The following DGKB variants were observed in gnomAD, a reference collection of about 807,000 sequenced individuals.
DGKB encodes the protein 90 kDa diacylglycerol kinase.
A neutral mutation model predicts 114.3 loss-of-function variants in DGKB; 67 were observed. That is an observed-to-expected ratio of 0.59 (90% CI 0.48 to 0.72). The LOEUF (loss-of-function observed/expected upper bound fraction) is 0.72. Ranked by LOEUF, DGKB falls within the 30% of genes least tolerant of loss-of-function variation. The pLI, the probability that DGKB is intolerant of heterozygous loss-of-function variation, is 0.00. For missense variants in DGKB, 907 were observed against 975.2 expected (o/e 0.93, Z 0.93); for synonymous variants, 398 against 323.1 (o/e 1.23, Z -2.49).
At chr7:14,509,967 A>T (rs1012894166) in intron 20 of DGKB, among the ~76,000 whole-genome samples, 31 of 152,250 alleles carry the variant, frequency 2.0e-4, no homozygotes, top group African/African-American at 7.0e-4. Flanking sequence ...TGAGGTCAGG[A>T]GATGGAGACC....
At chr7:14,889,396 C>A (rs1484389509) in intron 1 of DGKB, among the ~76,000 whole-genome samples, 1 of 151,592 alleles carries the variant, frequency 6.6e-6, no homozygotes, top group Admixed American at 6.6e-5. Flanking sequence ...TTTAGGGGAG[C>A]TTCTTGTGGC....
At chr7:14,591,930 G>A (rs1725674323) in intron 17 of DGKB, among the ~76,000 whole-genome samples, 1 of 151,892 alleles carries the variant, frequency 6.6e-6, no homozygotes, top group Non-Finnish European at 1.5e-5. Context: ...TTGTAGTACT[G>A]ATTCCAGAAT....
intron 13 of DGKB, among the ~76,000 whole-genome samples, chr7:14,646,655 A>G (rs187530882): frequency 1.8e-3 from 275 of 152,266 alleles, no homozygotes; most frequent in African/African-American, 6.2e-3. Flanking sequence ...TCAGAACACA[A>G]TAAAATAAAA....
intron 1 of DGKB, among the ~76,000 whole-genome samples, chr7:14,918,549 T>C (rs1784351401): frequency 6.6e-6 from 1 of 152,042 alleles, no homozygotes; most frequent in Non-Finnish European, 1.5e-5. Flanking sequence ...TAAGTATAAA[T>C]TTAACAAAAT....
chr7:14,901,773 C>A (rs1265380205), intron 1 of DGKB, among the ~76,000 whole-genome samples: 1 of 152,092 alleles, frequency 6.6e-6, no homozygotes, highest in African/African-American at 2.4e-5. Context: ...ATTTGCTTTA[C>A]AATGGACTGG....
At chr7:14,291,820 G>T (rs922795576) in intron 23 of DGKB, among the ~76,000 whole-genome samples, 1 of 152,150 alleles carries the variant, frequency 6.6e-6, no homozygotes, top group Non-Finnish European at 1.5e-5. Flanking sequence ...ATGCGGCAAA[G>T]ATCTTGTTGC....
In DGKB at chr7:14,736,130, T is replaced by C. The variant is rs199507253; in HGVS notation, c.233A>G (p.Asp78Gly). 249 of 1,609,700 alleles carry C rather than the reference T, an allele frequency of 1.5e-4. No individual in the cohort carries two copies. The highest frequency in any genetic ancestry group is 7.1e-5 in the Non-Finnish European group (83 of 1,176,922). Residue 78 changes from aspartate (D) to glycine (G), a missense_variant, in exon 5 of 26, where the codon GAT (aspartate) becomes GGT (glycine). This residue lies in a region of DGKB where 814 missense variants were observed against 856.6 expected (regional missense o/e 0.95). Coordinates refer to ENST00000402815, the MANE Select transcript of DGKB (RefSeq NM_001350709.2). ...TGACATGAAAAGGTGTGCAGTGAAA[T>C]CATCAGGAAGCTCGGCTTCCAGGAA... ...KTFLEAELPDDFTAHLFMSFS... is the reference protein window; with the variant it reads ...KTFLEAELPDGFTAHLFMSFS...
chr7:14,888,217 A>T (rs1780616929), intron 1 of DGKB, among the ~76,000 whole-genome samples: 1 of 151,792 alleles, frequency 6.6e-6, no homozygotes, highest in Non-Finnish European at 1.5e-5. Context: ...TACTGATAGC[A>T]GATGGTAATG....
upstream of DGKB, chr7:14,902,962 T>C (rs552793763): frequency 6.6e-6 from 1 of 152,334 alleles, no homozygotes; most frequent in African/African-American, 2.4e-5. Context: ...AAGTCATCTT[T>C]GGCGTCCCCC....
intron 21 of DGKB, among the ~76,000 whole-genome samples, chr7:14,471,007 T>C (rs1563256449): frequency 6.6e-6 from 1 of 151,268 alleles, no homozygotes; most frequent in South Asian, 2.1e-4. Context: ...CTTCTCATTA[T>C]ATTCTAGAAC....
intron 20 of DGKB, among the ~76,000 whole-genome samples, chr7:14,514,653 A>G (rs1788492205): frequency 6.6e-6 from 1 of 152,236 alleles, no homozygotes; most frequent in African/African-American, 2.4e-5. Context: ...TTTGTATCAA[A>G]TACAGATATT....
chr7:14,295,442 T>C (rs1047167173), intron 23 of DGKB, among the ~76,000 whole-genome samples: 1 of 152,178 alleles, frequency 6.6e-6, no homozygotes, highest in African/African-American at 2.4e-5. Context: ...TGAATTATAA[T>C]TCTCCAAAGC....
chr7:14,469,212 C>A (rs1279309454), intron 21 of DGKB, among the ~76,000 whole-genome samples: 1 of 151,928 alleles, frequency 6.6e-6, no homozygotes, highest in Non-Finnish European at 1.5e-5. Flanking sequence ...TCTCTCTGAT[C>A]CCAAGTTCCA....
chr7:14,568,954 GC>G (rs1797985402), intron 20 of DGKB, among the ~76,000 whole-genome samples: 1 of 152,124 alleles, frequency 6.6e-6, no homozygotes, highest in Non-Finnish European at 1.5e-5. Context: ...CTCATCTGAA[GC>G]TTTTTCATGC....
At chr7:14,481,115 A>C (rs1782924699) in intron 20 of DGKB, among the ~76,000 whole-genome samples, 2 of 151,986 alleles carry the variant, frequency 1.3e-5, no homozygotes. Context: ...TGTAATTAGC[A>C]ACTTTTCTTG....
At chr7:14,742,040 C>T (rs1249617440) in intron 4 of DGKB, among the ~76,000 whole-genome samples, 2 of 152,004 alleles carry the variant, frequency 1.3e-5, no homozygotes, top group Non-Finnish European at 2.9e-5. Flanking sequence ...CATGAGAGAC[C>T]CTAAGATAAT....
intron 20 of DGKB, among the ~76,000 whole-genome samples, chr7:14,562,554 T>G (rs965675020): frequency 6.6e-6 from 1 of 152,224 alleles, no homozygotes; most frequent in African/African-American, 2.4e-5. Context: ...TCCAAGGCCA[T>G]GGAAGCCTAT....
chr7:14,753,203 T>A (rs1273520573), intron 4 of DGKB, among the ~76,000 whole-genome samples: 2 of 152,170 alleles, frequency 1.3e-5, no homozygotes, highest in African/African-American at 2.4e-5. Flanking sequence ...ATATCCAAGA[T>A]TGCCCAAAGG....
intron 1 of DGKB, among the ~76,000 whole-genome samples, chr7:14,884,747 C>T (rs573217776): frequency 1.1e-4 from 16 of 151,960 alleles, no homozygotes; most frequent in African/African-American, 1.7e-4. Context: ...TCCTACAAAA[C>T]GGCAACTCAT....
Sources: allele counts gnomAD v4.1 joint callset (sites outside exome capture counted in the v4.1 genomes callset), GRCh38; gene constraint gnomAD v4.1.1; regional missense constraint gnomAD v4.1.1; transcripts MANE v1.5; gene names NCBI Gene and HGNC (gene_info 2026-07-23, HGNC 2026-07-21).